LHFPL3: variants seen among roughly 807,000 people sequenced by gnomAD.
The protein encoded by LHFPL3 is LHFPL tetraspan subfamily member 3 protein.
A neutral mutation model predicts 19.3 loss-of-function variants in LHFPL3; 5 were observed. The ratio of observed to expected loss-of-function variants is 0.26; its 90% CI spans 0.14 to 0.54. LHFPL3 has a LOEUF of 0.54. Ranked by LOEUF, LHFPL3 falls within the 20% of genes least tolerant of loss-of-function variation. The pLI, the probability that LHFPL3 is intolerant of heterozygous loss-of-function variation, is 0.94. For synonymous variants in LHFPL3, 133 were observed against 126.2 expected, an observed-to-expected ratio of 1.05 and a Z score of -0.36; for missense variants, 249 against 307.4, an observed-to-expected ratio of 0.81 and a Z score of 1.42.
At chr7:104,871,703 G>A (rs1160661193) in intron 2 of LHFPL3, among the ~76,000 whole-genome samples, 1 of 151,964 alleles carries the variant, frequency 6.6e-6, no homozygotes, top group African/African-American at 2.4e-5. Context: ...TTGTTGCCCA[G>A]GCTGGAGTGC....
chr7:104,532,316 G>T (rs1374334678), intron 1 of LHFPL3, among the ~76,000 whole-genome samples: 176 of 62,866 alleles, frequency 2.8e-3, no homozygotes, highest in Admixed American at 4.7e-3. Flanking sequence ...TTTTCTTTCT[G>T]TCTTTTTTTT....
At chr7:104,355,244 T>TTC (rs1387883055) in intron 1 of LHFPL3, among the ~76,000 whole-genome samples, 2 of 152,164 alleles carry the variant, frequency 1.3e-5, no homozygotes, top group African/African-American at 4.8e-5. Context: ...ACATCTCCTT[T>TTC]TCTCAGTTGT....
intron 1 of LHFPL3, among the ~76,000 whole-genome samples, chr7:104,519,695 A>G (rs1794005424): frequency 6.6e-6 from 1 of 152,116 alleles, no homozygotes; most frequent in Non-Finnish European, 1.5e-5. Flanking sequence ...GGACCAGGTC[A>G]TGGCGTTAAT....
chr7:104,427,798 A>G (rs1791877439), intron 1 of LHFPL3, among the ~76,000 whole-genome samples: 1 of 152,204 alleles, frequency 6.6e-6, no homozygotes, highest in Non-Finnish European at 1.5e-5. Context: ...AATACTTAAC[A>G]TTTTTATACA....
intron 2 of LHFPL3, among the ~76,000 whole-genome samples, chr7:104,830,536 C>G (rs1373691327): frequency 4.0e-5 from 6 of 151,824 alleles, no homozygotes. Context: ...GATCCAGTTT[C>G]AGCTTTCTAC....
At chr7:104,434,869 A>T (rs1792072627) in intron 1 of LHFPL3, among the ~76,000 whole-genome samples, 1 of 152,180 alleles carries the variant, frequency 6.6e-6, no homozygotes, top group African/African-American at 2.4e-5. Flanking sequence ...ACCTATTGAT[A>T]TTAATGGCAA....
At chr7:104,850,002 A>G (rs969669386) in intron 2 of LHFPL3, among the ~76,000 whole-genome samples, 1 of 152,200 alleles carries the variant, frequency 6.6e-6, no homozygotes, top group Non-Finnish European at 1.5e-5. Flanking sequence ...TTCGTGCAAA[A>G]GTAATTGTGG....
intron 1 of LHFPL3, among the ~76,000 whole-genome samples, chr7:104,689,933 G>T (rs571398276): frequency 1.1e-4 from 16 of 152,164 alleles, no homozygotes; most frequent in Non-Finnish European, 2.4e-4. Flanking sequence ...TCCCCACATT[G>T]GCTGCCTGAC....
intron 2 of LHFPL3, among the ~76,000 whole-genome samples, chr7:104,747,635 C>A (rs914780953): frequency 6.6e-6 from 1 of 152,172 alleles, no homozygotes; most frequent in Non-Finnish European, 1.5e-5. Flanking sequence ...TCTTGGGAGA[C>A]TATTCCCCCA....
intron 1 of LHFPL3, among the ~76,000 whole-genome samples, chr7:104,501,061 A>G (rs1455984029): frequency 1.3e-5 from 2 of 152,068 alleles, no homozygotes; most frequent in Non-Finnish European, 2.9e-5. Context: ...CTGCATCTTT[A>G]TCTTTAATAT....
At chr7:104,623,569 G>A (rs928049126) in intron 1 of LHFPL3, among the ~76,000 whole-genome samples, 1 of 152,240 alleles carries the variant, frequency 6.6e-6, no homozygotes, top group Non-Finnish European at 1.5e-5. Context: ...GGAGGAGTTT[G>A]CAGTGAGCTG....
chr7:104,598,716 C>T (rs1383216585), intron 1 of LHFPL3, among the ~76,000 whole-genome samples: 1 of 152,210 alleles, frequency 6.6e-6, no homozygotes. Flanking sequence ...TTGCTCATTC[C>T]TTTCATCAAA....
At chr7:104,589,789 A>C (rs1308741085) in intron 1 of LHFPL3, among the ~76,000 whole-genome samples, 7 of 152,046 alleles carry the variant, frequency 4.6e-5, no homozygotes, top group Admixed American at 2.6e-4. Context: ...TCAATTTCAG[A>C]GCCTGTTATT....
chr7:104,385,069 G>T (rs1028441893), intron 1 of LHFPL3, among the ~76,000 whole-genome samples: 3 of 151,898 alleles, frequency 2.0e-5, no homozygotes, highest in Non-Finnish European at 2.9e-5. Flanking sequence ...ACCTGGAATG[G>T]CCCATTTGAG....
intron 1 of LHFPL3, among the ~76,000 whole-genome samples, chr7:104,495,151 C>T (rs1793436238): frequency 6.6e-6 from 1 of 152,150 alleles, no homozygotes; most frequent in Admixed American, 6.6e-5. Context: ...AGGTTCAACC[C>T]CTTCCCCTTC....
chr7:104,432,528 A>G (rs1396509993), intron 1 of LHFPL3, among the ~76,000 whole-genome samples: 1 of 150,236 alleles, frequency 6.7e-6, no homozygotes, highest in Non-Finnish European at 1.5e-5. Flanking sequence ...AGATGATCTC[A>G]TCTCCTTCAA....
At chr7:104,615,786 G>A (rs1416567331) in intron 1 of LHFPL3, among the ~76,000 whole-genome samples, 3 of 150,910 alleles carry the variant, frequency 2.0e-5, no homozygotes, top group African/African-American at 4.9e-5. Context: ...TTTGGTTTTC[G>A]GTTCCTGTGT....
chr7:104,771,309 C>T (rs1051112226), intron 2 of LHFPL3, among the ~76,000 whole-genome samples: 5 of 152,140 alleles, frequency 3.3e-5, no homozygotes, highest in Admixed American at 6.5e-5. Flanking sequence ...CATTTCATTT[C>T]GTTTCATTCA....
intron 1 of LHFPL3, among the ~76,000 whole-genome samples, chr7:104,666,732 C>T (rs965971329): frequency 6.6e-5 from 10 of 151,074 alleles, no homozygotes; most frequent in African/African-American, 2.4e-4. Flanking sequence ...CGTTTTTAGC[C>T]GGGATGGTCT....
Sources: allele counts gnomAD v4.1 joint callset (sites outside exome capture counted in the v4.1 genomes callset), GRCh38; gene constraint gnomAD v4.1.1; transcripts MANE v1.5; gene names NCBI Gene and HGNC (gene_info 2026-07-23, HGNC 2026-07-21).